The following C8orf89 variants were observed in gnomAD, a reference collection of about 807,000 sequenced individuals.
C8orf89 encodes the protein putative uncharacterized protein C8orf89.
C8orf89 carries 14 observed loss-of-function variants against 15.8 expected under a neutral mutation model. The ratio of observed to expected loss-of-function variants is 0.89; its 90% CI spans 0.59 to 1.39. C8orf89 has a LOEUF of 1.39. C8orf89 is among the 40% of genes most tolerant of loss of function. The probability of loss-of-function intolerance (pLI) is 0.00; values close to 1 mark genes in which losing one functional copy is unlikely to be tolerated. For missense variants in C8orf89, 181 were observed against 184.5 expected (o/e 0.98, Z 0.11); for synonymous variants, 55 against 62.2 (o/e 0.88, Z 0.54).
chr8:73,246,586 C>G (rs973780995), intron 3 of C8orf89, among the ~76,000 whole-genome samples: 2 of 152,168 alleles, frequency 1.3e-5, no homozygotes, highest in African/African-American at 4.8e-5. Context: ...ATCATGTTGG[C>G]CAGGCTGGTC....
At chr8:73,281,841 T>C in the C8orf89 span, among the ~76,000 whole-genome samples, 2 of 152,206 alleles carry the variant, frequency 1.3e-5, no homozygotes, top group African/African-American at 2.4e-5. Flanking sequence ...CAATGTAATG[T>C]GTAACACTGC....
intron 3 of C8orf89, among the ~76,000 whole-genome samples, chr8:73,244,729 T>TTAGCAGTACAA (rs1217025291): frequency 1.3e-5 from 2 of 152,194 alleles, no homozygotes; most frequent in African/African-American, 4.8e-5. Context: ...ACTTCTGTTC[T>TTAGCAGTACAA]TAGCAGTACA....
At chr8:73,254,127 G>T (rs1563532020) in intron 2 of C8orf89, among the ~76,000 whole-genome samples, 1 of 152,136 alleles carries the variant, frequency 6.6e-6, no homozygotes, top group Non-Finnish European at 1.5e-5. Flanking sequence ...AATTTATTGA[G>T]AGTTTTTAGC....
At chr8:73,273,191 G>A in the C8orf89 span, among the ~76,000 whole-genome samples, 2 of 152,192 alleles carry the variant, frequency 1.3e-5, no homozygotes, top group African/African-American at 4.8e-5. Flanking sequence ...GGCAGAAGCC[G>A]TGCCCGTTTC....
the C8orf89 span, among the ~76,000 whole-genome samples, chr8:73,265,508 AC>A: frequency 6.6e-6 from 1 of 151,968 alleles, no homozygotes; most frequent in African/African-American, 2.4e-5. Flanking sequence ...TAAGGAGATG[AC>A]CCCCCTAAGC....
At chr8:73,243,825 C>T (rs1813063517) in intron 3 of C8orf89, among the ~76,000 whole-genome samples, 1 of 152,118 alleles carries the variant, frequency 6.6e-6, no homozygotes, top group African/African-American at 2.4e-5. Flanking sequence ...CCACCGCACT[C>T]AGTTTTAATG....
At chr8:73,272,383 C>A in the C8orf89 span, among the ~76,000 whole-genome samples, 41 of 152,134 alleles carry the variant, frequency 2.7e-4, no homozygotes, top group African/African-American at 9.4e-4. Context: ...ATCTAACATT[C>A]CTTGAATACT....
At chr8:73,260,423 T>C (rs1367598517), upstream of C8orf89, among the ~76,000 whole-genome samples, 3 of 151,946 alleles carry the variant, frequency 2.0e-5, no homozygotes, top group Non-Finnish European at 4.4e-5. Context: ...CATTAGGAGA[T>C]ATACCTAATG....
At chr8:73,265,481 A>G in the C8orf89 span, among the ~76,000 whole-genome samples, 2 of 152,206 alleles carry the variant, frequency 1.3e-5, no homozygotes, top group African/African-American at 4.8e-5. Context: ...GGAGTTGTTA[A>G]TTCTCAGGAA....
chr8:73,247,816 A>G (rs1375974892), intron 3 of C8orf89, among the ~76,000 whole-genome samples: 1 of 152,004 alleles, frequency 6.6e-6, no homozygotes, highest in African/African-American at 2.4e-5. Context: ...AATTGTTTAA[A>G]TTCCTTATAG....
At chr8:73,279,759 A>T in the C8orf89 span, among the ~76,000 whole-genome samples, 6 of 152,214 alleles carry the variant, frequency 3.9e-5, no homozygotes, top group African/African-American at 1.4e-4. Flanking sequence ...CATAAAAGTG[A>T]TATGACTTCC....
chr8:73,269,211 T>C, the C8orf89 span, among the ~76,000 whole-genome samples: 33 of 152,346 alleles, frequency 2.2e-4, no homozygotes, highest in East Asian at 6.4e-3. Context: ...AGTCTAAACA[T>C]GTCATTCCCT....
the C8orf89 span, among the ~76,000 whole-genome samples, chr8:73,285,326 G>A: frequency 6.6e-6 from 1 of 152,180 alleles, no homozygotes; most frequent in Admixed American, 6.5e-5. Flanking sequence ...TACAGATCCG[G>A]CAGGCGGACC....
In C8orf89 at chr8:73,248,483, A is replaced by C. The variant is rs541723176; in HGVS notation, c.337+1785T>G. 1.2e-4 allele frequency among the ~76,000 whole-genome samples: 18 copies of C among 152,278 alleles called. No individual in the cohort carries two copies. In the South Asian group the frequency reaches 3.7e-3, roughly 32 times the overall value. Reference sequence around the variant, plus strand: ...TTTTTCTAGTTCTATGAAGAATGTCATTGGTAGTTTAATAGGAATCACATT... The same window carrying C: ...TTTTTCTAGTTCTATGAAGAATGTCCTTGGTAGTTTAATAGGAATCACATT... On this transcript the variant is annotated intron_variant, in intron 3 of 3. Transcript: ENST00000624510.
At chr8:73,281,772 C>G in the C8orf89 span, among the ~76,000 whole-genome samples, 42 of 152,378 alleles carry the variant, frequency 2.8e-4, no homozygotes, top group Non-Finnish European at 4.4e-4. Context: ...CTGGCTCCTC[C>G]TCCAGAGAAT....
the C8orf89 span, among the ~76,000 whole-genome samples, chr8:73,273,375 T>C: frequency 6.6e-6 from 1 of 152,222 alleles, no homozygotes; most frequent in African/African-American, 2.4e-5. Context: ...CCCACTCTGA[T>C]TTTAGAGCAA....
chr8:73,245,145 T>C (rs1209909206), intron 3 of C8orf89, among the ~76,000 whole-genome samples: 1 of 152,120 alleles, frequency 6.6e-6, no homozygotes, highest in Non-Finnish European at 1.5e-5. Context: ...CTCACTACCA[T>C]GAGAATGGTA....
the C8orf89 span, among the ~76,000 whole-genome samples, chr8:73,273,679 G>A: frequency 1.3e-5 from 2 of 152,092 alleles, no homozygotes; most frequent in South Asian, 4.1e-4. Flanking sequence ...CTGGGGCCCA[G>A]GCTGTCAGTT....
chr8:73,248,120 G>GTATAAGTTGATTTTT (rs1274606211), intron 3 of C8orf89, among the ~76,000 whole-genome samples: 71 of 152,124 alleles, frequency 4.7e-4, no homozygotes, highest in Non-Finnish European at 3.4e-4. Flanking sequence ...TTTTGTATAT[G>GTATAAGTTGATTTTT]GTGTAAGAAA....
Sources: gnomAD v4.1 joint callset for allele counts (sites outside exome capture counted in the v4.1 genomes callset) on GRCh38, gnomAD v4.1.1 for gene constraint, MANE v1.5 for transcripts, NCBI Gene and HGNC (gene_info 2026-07-23, HGNC 2026-07-21) for gene names.